Variants in COL21A1 observed in about 807,000 individuals in gnomAD.
COL21A1 encodes collagen alpha-1(XXI) chain.
A neutral mutation model predicts 137.9 loss-of-function variants in COL21A1; 149 were observed. The ratio of observed to expected loss-of-function variants is 1.08; its 90% confidence interval spans 0.95 to 1.24. The LOEUF is 1.24. Ranked by LOEUF, COL21A1 falls within the 50% of genes most tolerant of loss-of-function variation. COL21A1 has a pLI of 0.00. For missense variants in COL21A1, 1,167 were observed against 1,158.4 expected (o/e 1.01, Z -0.11); for synonymous variants, 456 against 391.5 (o/e 1.16, Z -1.95).
At chr6:56,356,602 A>C (rs976782984) in intron 1 of COL21A1, among the ~76,000 whole-genome samples, 1 of 152,232 alleles carries the variant, frequency 6.6e-6, no homozygotes, top group African/African-American at 2.4e-5. Flanking sequence ...GACAACTTGC[A>C]GGCAGCTTAA....
intron 12 of COL21A1, among the ~76,000 whole-genome samples, chr6:56,129,279 G>A (rs1307196429): frequency 6.6e-6 from 1 of 151,938 alleles, no homozygotes; most frequent in Non-Finnish European, 1.5e-5. Flanking sequence ...GGGGGCCTCT[G>A]TTATATAAAT....
At chr6:56,069,979 G>A (rs1175958042) in intron 21 of COL21A1, among the ~76,000 whole-genome samples, 1 of 151,358 alleles carries the variant, frequency 6.6e-6, no homozygotes, top group African/African-American at 2.4e-5. Flanking sequence ...CTTAATTCCA[G>A]TTCTCCACTC....
chr6:56,063,134 C>T (rs1765955836), intron 24 of COL21A1, among the ~76,000 whole-genome samples: 1 of 152,062 alleles, frequency 6.6e-6, no homozygotes, highest in Admixed American at 6.6e-5. Flanking sequence ...TAGCTTCCAA[C>T]CAATCTAGGG....
At chr6:56,138,362 C>T (rs1255721376) in intron 12 of COL21A1, among the ~76,000 whole-genome samples, 1 of 150,256 alleles carries the variant, frequency 6.7e-6, no homozygotes, top group Non-Finnish European at 1.5e-5. Flanking sequence ...TATGTTTATA[C>T]TTCTTAATAT....
chr6:56,183,975 T>C (rs1032150686), intron 1 of COL21A1, among the ~76,000 whole-genome samples: 4 of 151,946 alleles, frequency 2.6e-5, no homozygotes, highest in Non-Finnish European at 4.4e-5. Context: ...GATAAGTCAA[T>C]AGAAATTATC....
intron 1 of COL21A1, among the ~76,000 whole-genome samples, chr6:56,330,449 T>C (rs1200678436): frequency 6.6e-6 from 1 of 152,092 alleles, no homozygotes; most frequent in Non-Finnish European, 1.5e-5. Flanking sequence ...CTAGCAAAAC[T>C]GGACTACCAG....
At chr6:56,134,781 G>C (rs1472744260) in intron 12 of COL21A1, among the ~76,000 whole-genome samples, 1 of 152,176 alleles carries the variant, frequency 6.6e-6, no homozygotes. Context: ...CCCTGCACAA[G>C]CTCTTTCTCT....
At chr6:56,379,271 T>A (rs909614605) in intron 1 of COL21A1, among the ~76,000 whole-genome samples, 1 of 152,172 alleles carries the variant, frequency 6.6e-6, no homozygotes. Flanking sequence ...AACAGAGATA[T>A]GTGACCTTTC....
At chr6:56,220,625 AC>A (rs1420880160) in intron 1 of COL21A1, among the ~76,000 whole-genome samples, 1 of 152,062 alleles carries the variant, frequency 6.6e-6, no homozygotes, top group East Asian at 1.9e-4. Context: ...TCCGCACTGT[AC>A]TTGAACTTAT....
chr6:56,308,246 G>A (rs6918405), intron 1 of COL21A1, among the ~76,000 whole-genome samples: 128,425 of 152,230 alleles, frequency 0.84, 56,148 homozygotes, highest in South Asian at 0.97. Context: ...TAGCTTACCA[G>A]CTTCCATCTT....
chr6:56,371,849 C>T (rs1186527102), intron 1 of COL21A1, among the ~76,000 whole-genome samples: 1 of 152,170 alleles, frequency 6.6e-6, no homozygotes, highest in African/African-American at 2.4e-5. Flanking sequence ...CTCCCTGGGC[C>T]ATCAGAGAAG....
chr6:56,072,193 T>C (rs977780319), intron 20 of COL21A1, among the ~76,000 whole-genome samples: 1 of 151,562 alleles, frequency 6.6e-6, no homozygotes, highest in Admixed American at 6.6e-5. Context: ...ATGGTTCTTT[T>C]TGCAGTCTAT....
intron 16 of COL21A1, among the ~76,000 whole-genome samples, chr6:56,115,473 T>C (rs1417385196): frequency 6.6e-6 from 1 of 151,996 alleles, no homozygotes; most frequent in Non-Finnish European, 1.5e-5. Context: ...GGGCTTGGGG[T>C]GTACCCTAAA....
intron 1 of COL21A1, among the ~76,000 whole-genome samples, chr6:56,328,698 G>A (rs4629685): frequency 0.29 from 44,680 of 151,926 alleles, 6,938 homozygotes; most frequent in Non-Finnish European, 0.35. Context: ...AAAACAAAAA[G>A]GAGTTACTTT....
intron 1 of COL21A1, among the ~76,000 whole-genome samples, chr6:56,339,754 G>T (rs1765424677): frequency 1.3e-5 from 2 of 152,168 alleles, no homozygotes; most frequent in Non-Finnish European, 2.9e-5. Flanking sequence ...ACCAGCTTTG[G>T]CTACTTCCAG....
chr6:56,260,140 T>C (rs1266349760), intron 1 of COL21A1, among the ~76,000 whole-genome samples: 2 of 152,186 alleles, frequency 1.3e-5, no homozygotes, highest in Non-Finnish European at 2.9e-5. Context: ...AGAATATTAC[T>C]TGAGATTGTA....
At chr6:56,152,861 A>C (rs996231787) in intron 10 of COL21A1, among the ~76,000 whole-genome samples, 5 of 152,152 alleles carry the variant, frequency 3.3e-5, no homozygotes, top group African/African-American at 4.8e-5. Flanking sequence ...TGTGAACTGC[A>C]TTGGCTCTGG....
Position 56,288,722 on chromosome 6 carries a change from C to T in COL21A1, c.-39+105249G>A, listed in dbSNP as rs539437121. On this transcript the variant is annotated intron_variant, in intron 1 of 28. Transcript: ENST00000370819. ...GGCCAGCTATCTGGGAACCAGTTAG[C>T]ACTTTAATGATTAGCTGCCATTCAC... Among the ~76,000 whole-genome samples the T allele has an allele frequency of 3.9e-5, 6 of 152,296 alleles. No homozygotes were observed. The South Asian group carries it at 1.2e-3, about 32-fold the overall frequency.
intron 1 of COL21A1, among the ~76,000 whole-genome samples, chr6:56,357,315 G>A (rs1581770095): frequency 6.6e-6 from 1 of 152,170 alleles, no homozygotes; most frequent in African/African-American, 2.4e-5. Flanking sequence ...CAAAATGGAA[G>A]TGTATCTTAC....
Sources: allele counts gnomAD v4.1 joint callset (sites outside exome capture counted in the v4.1 genomes callset), GRCh38; gene constraint gnomAD v4.1.1; transcripts MANE v1.5; gene names NCBI Gene and HGNC (gene_info 2026-07-23, HGNC 2026-07-21).